The following ZCCHC24 variants were observed in gnomAD, a reference collection of about 807,000 sequenced individuals.
The protein encoded by ZCCHC24 is zinc finger CCHC-type containing 24, also known as zinc finger CCHC domain-containing protein 24.
ZCCHC24 carries 10 observed loss-of-function variants against 26.2 expected under a neutral mutation model. That is an observed-to-expected ratio of 0.38 (90% confidence interval 0.24 to 0.65). The LOEUF is 0.65. ZCCHC24 is among the 30% of genes least tolerant of loss of function. ZCCHC24 has a pLI of 0.54. For missense variants in ZCCHC24, 243 were observed against 329.1 expected (o/e 0.74, Z 2.03); for synonymous variants, 144 against 147.1 (o/e 0.98, Z 0.15).
chr10:79,393,713 G>A (rs529118494), intron 3 of ZCCHC24, among the ~76,000 whole-genome samples: 2 of 152,084 alleles, frequency 1.3e-5, no homozygotes, highest in Non-Finnish European at 2.9e-5. Context: ...TCACTGAACC[G>A]TGGGCCTGAA....
chr10:79,406,959 C>T (rs903789793), intron 2 of ZCCHC24, among the ~76,000 whole-genome samples: 4 of 152,222 alleles, frequency 2.6e-5, no homozygotes, highest in African/African-American at 9.7e-5. Flanking sequence ...AGTCTCACTA[C>T]CTGGCACACC....
In ZCCHC24 at chr10:79,404,187, C is replaced by G. The variant is rs549356373; in HGVS notation, c.448-9747G>C. Among the ~76,000 whole-genome samples, 26 of 152,336 alleles carry G rather than the reference C, an allele frequency of 1.7e-4. No homozygotes were observed. The East Asian group carries it at 5.0e-3, about 29-fold the overall frequency. On this transcript the variant is annotated intron_variant, in intron 2 of 3. Transcript: ENST00000372336. ...CAGAGAAGTGCCAAGCCCCCCAACA[C>G]CCCGTGCCTCCAGCCCTGTGCCCGG...
chr10:79,401,364 G>A (rs375777387), intron 2 of ZCCHC24, among the ~76,000 whole-genome samples: 19 of 152,300 alleles, frequency 1.2e-4, no homozygotes, highest in African/African-American at 3.1e-4. Flanking sequence ...TTTGTGTCCC[G>A]ACAACCATCC....
chr10:79,418,786 T>C (rs938325996), intron 2 of ZCCHC24, among the ~76,000 whole-genome samples: 5 of 152,190 alleles, frequency 3.3e-5, no homozygotes, highest in Non-Finnish European at 7.3e-5. Context: ...TTGAGATTTC[T>C]TACCTCTTGA....
At chr10:79,415,791 T>A (rs1856851624) in intron 2 of ZCCHC24, among the ~76,000 whole-genome samples, 1 of 152,182 alleles carries the variant, frequency 6.6e-6, no homozygotes, top group African/African-American at 2.4e-5. Context: ...CCTAGGCAGT[T>A]GAGCAGGGCA....
chr10:79,402,599 A>G (rs1856650122), intron 2 of ZCCHC24, among the ~76,000 whole-genome samples: 1 of 152,238 alleles, frequency 6.6e-6, no homozygotes, highest in South Asian at 2.1e-4. Flanking sequence ...TCTATCTTCC[A>G]TGTGAGGGGG....
intron 2 of ZCCHC24, among the ~76,000 whole-genome samples, chr10:79,404,126 C>T (rs1016254549): frequency 1.3e-5 from 2 of 152,190 alleles, no homozygotes; most frequent in East Asian, 1.9e-4. Flanking sequence ...TTCGGGGGAA[C>T]GGGGCCCACA....
chr10:79,423,581 CTA>C lies in ZCCHC24; in HGVS notation c.447+8975_447+8976del, dbSNP rs561884774. On this transcript the variant is annotated intron_variant, in intron 2 of 3. Coordinates refer to ENST00000372336, the MANE Select transcript of ZCCHC24 (RefSeq NM_153367.4). ...AACAAAAACAAACAAAATATATATA[CTA>C]TATATATATATATATATATATATAT... Among the ~76,000 whole-genome samples the C allele has an allele frequency of 4.2e-3, 225 of 53,756 alleles. 15 individuals are homozygous for C. Among genetic ancestry groups the C allele is most frequent in the Admixed American group, 6.2e-3 (31 of 5,002 alleles). 35.3% of individuals were successfully genotyped at this position (53,756 alleles called of 152,430 possible).
chr10:79,436,711 G>A (rs1286058489), intron 1 of ZCCHC24, among the ~76,000 whole-genome samples: 1 of 152,244 alleles, frequency 6.6e-6, no homozygotes, highest in Non-Finnish European at 1.5e-5. Flanking sequence ...CCAATTGACA[G>A]ATAGGGTAAC....
intron 2 of ZCCHC24, among the ~76,000 whole-genome samples, chr10:79,400,255 C>G (rs1043782120): frequency 6.6e-6 from 1 of 152,188 alleles, no homozygotes; most frequent in Non-Finnish European, 1.5e-5. Context: ...ATCAGACATG[C>G]GGACAAAAGG....
intron 2 of ZCCHC24, among the ~76,000 whole-genome samples, chr10:79,415,701 T>A (rs2132199824): frequency 6.6e-6 from 1 of 152,272 alleles, no homozygotes; most frequent in South Asian, 2.1e-4. Flanking sequence ...CAACAAATGG[T>A]CTCATCAGAG....
chr10:79,422,610 T>C (rs904513546), intron 2 of ZCCHC24, among the ~76,000 whole-genome samples: 3 of 152,246 alleles, frequency 2.0e-5, no homozygotes, highest in African/African-American at 7.2e-5. Flanking sequence ...TCTATTTTTC[T>C]TCTTTTGCAA....
chr10:79,433,899 G>A (rs1010802560), intron 1 of ZCCHC24, among the ~76,000 whole-genome samples: 5 of 152,148 alleles, frequency 3.3e-5, no homozygotes, highest in Admixed American at 6.5e-5. Flanking sequence ...GGAGGGAGGC[G>A]AGCTGCAAGC....
chr10:79,393,091 G>T (rs1235580187), intron 3 of ZCCHC24, among the ~76,000 whole-genome samples: 1 of 152,130 alleles, frequency 6.6e-6, no homozygotes, highest in African/African-American at 2.4e-5. Flanking sequence ...CTGGGATTCA[G>T]CATCACTTGG....
At chr10:79,441,460 C>A (rs868442582) in intron 1 of ZCCHC24, among the ~76,000 whole-genome samples, 1 of 152,104 alleles carries the variant, frequency 6.6e-6, no homozygotes, top group South Asian at 2.1e-4. Context: ...AGAGGAGGTT[C>A]ATTGCTGCAG....
chr10:79,387,483 G>C (rs547517417), intron 3 of ZCCHC24, among the ~76,000 whole-genome samples: 1 of 152,326 alleles, frequency 6.6e-6, no homozygotes. Flanking sequence ...ATGACGAAGA[G>C]CTCCTGAGTG....
chr10:79,428,965 T>G (rs571150114), intron 2 of ZCCHC24, among the ~76,000 whole-genome samples: 46 of 151,944 alleles, frequency 3.0e-4, no homozygotes, highest in Non-Finnish European at 5.0e-4. Flanking sequence ...CTATAATGAG[T>G]AAAGAGTTCA....
At chr10:79,387,264 A>G (rs1280541107) in intron 3 of ZCCHC24, among the ~76,000 whole-genome samples, 2 of 152,160 alleles carry the variant, frequency 1.3e-5, no homozygotes, top group Non-Finnish European at 2.9e-5. Flanking sequence ...CTCCGTTTCC[A>G]TATCTGTGAA....
rs575835049 is a variant in ZCCHC24 at position 79,432,718 on chromosome 10, C to A, written c.287G>T (p.Gly96Val). The change falls in exon 2 of 4, where the codon GGC becomes GTC. Residue 96 changes from glycine to valine, a missense_variant. Transcript: ENST00000372336. ...NSVYKGASPY[G>V]SLNNIADGLS... The stretch of plus-strand genomic sequence containing the variant: ...GCCATCGGCGATGTTGTTGAGGGAG[C>A]CATAGGGTGAGGCGCCCTTGTACAC... 1 of 1,609,934 alleles carries A rather than the reference C, an allele frequency of 6.2e-7. No homozygotes were observed. Among genetic ancestry groups the A allele is most frequent in the East Asian group, 2.2e-5 (1 of 44,590 alleles).
Sources: gnomAD v4.1 joint callset for allele counts (sites outside exome capture counted in the v4.1 genomes callset) on GRCh38, gnomAD v4.1.1 for gene constraint, MANE v1.5 for transcripts, NCBI Gene and HGNC (gene_info 2026-07-23, HGNC 2026-07-21) for gene names.